CUBN: variants seen among roughly 807,000 people sequenced by gnomAD.
CUBN encodes the protein cubilin, also known as 460 kDa receptor.
In CUBN, 282 loss-of-function variants were observed where a neutral mutation model predicts 405.3. That is an observed-to-expected ratio of 0.70 (90% CI 0.63 to 0.77). CUBN has a LOEUF of 0.77. Ranked by LOEUF, CUBN falls within the 30% of genes least tolerant of loss-of-function variation. The pLI, the probability that CUBN is intolerant of heterozygous loss-of-function variation, is 0.00. For synonymous variants in CUBN, 1,684 were observed against 1,617.0 expected (o/e 1.04, Z -0.99); for missense variants, 4,514 against 4,475.2 (o/e 1.01, Z -0.25).
intron 44 of CUBN, 75 bp downstream of exon 44, chr10:16,919,888 T>C (rs1460310498): frequency 6.9e-7 from 1 of 1,453,414 alleles, no homozygotes; most frequent in Non-Finnish European, 9.6e-7. Flanking sequence ...CTGAAAGAAA[T>C]GGACTGTTTT....
intron 14 of CUBN, among the ~76,000 whole-genome samples, chr10:17,097,105 G>A (rs1836392733): frequency 6.6e-6 from 1 of 151,832 alleles, no homozygotes; most frequent in African/African-American, 2.4e-5. Flanking sequence ...AAAACCATGA[G>A]GAAAATCAAT....
rs1210139921 is a variant in CUBN, at chr10:17,088,225, GT to G, written c.1885del (p.Thr629HisfsTer7). The G allele has an allele frequency of 6.2e-7, 1 of 1,613,756 alleles. No homozygotes were observed. Among genetic ancestry groups the G allele is most frequent in the Non-Finnish European group, 8.5e-7 (1 of 1,179,802 alleles). ...IVVTSPDLLV[T>X]FTFGTLSLEH... ...GAGGCTCAAGGTCCCAAAAGTAAAT[GT>G]TACCAGGAGGTCAGGACTAGTTACA... On this transcript the variant is annotated frameshift_variant, in exon 15 of 67. Coordinates refer to ENST00000377833, the MANE Select transcript of CUBN (RefSeq NM_001081.4). LOFTEE classifies it high-confidence loss of function.
intron 14 of CUBN, among the ~76,000 whole-genome samples, chr10:17,092,647 C>T (rs1414106598): frequency 6.6e-6 from 1 of 152,122 alleles, no homozygotes; most frequent in South Asian, 2.1e-4. Context: ...AAAGACACTC[C>T]TACCAGTGCC....
intron 13 of CUBN, among the ~76,000 whole-genome samples, chr10:17,101,946 G>A (rs1836501957): frequency 6.6e-6 from 1 of 152,178 alleles, no homozygotes; most frequent in Non-Finnish European, 1.5e-5. Flanking sequence ...ACATGGCAGA[G>A]CAAAGACATT....
At chr10:16,885,774 T>C (rs1376358043) in intron 56 of CUBN, among the ~76,000 whole-genome samples, 1 of 152,222 alleles carries the variant, frequency 6.6e-6, no homozygotes. Flanking sequence ...TTTCTTAGTC[T>C]GAGTGATACG....
chr10:17,027,576 A>C (rs76622237), intron 27 of CUBN, among the ~76,000 whole-genome samples: 3,377 of 152,226 alleles, frequency 0.022, 130 homozygotes, highest in African/African-American at 0.076. Flanking sequence ...GATCTGATAA[A>C]TTTATTTTTA....
At chr10:17,068,578 G>GAA in intron 20 of CUBN, 27 bp downstream of exon 20, 28 of 1,266,556 alleles carry the variant, frequency 2.2e-5, no homozygotes, top group Non-Finnish European at 2.8e-5. Flanking sequence ...CCAAGAGGAG[G>GAA]AAAAAAAAAA....
rs770127463 is a variant in CUBN, at chr10:16,950,098, G to A, written c.4983C>T (p.Thr1661=). The A allele has an allele frequency of 1.2e-6, 2 of 1,612,750 alleles. No homozygotes were observed. The highest frequency in any genetic ancestry group is 1.1e-5 in the South Asian group (1 of 91,008). Residue 1661 remains threonine (T), a synonymous_variant, in exon 34 of 67, where the codon ACC becomes ACT. Coordinates refer to ENST00000377833, the MANE Select transcript of CUBN (RefSeq NM_001081.4). ...IQAQPPLNHI[T]LSFTHFELER... is the part of the protein sequence containing the mutation. ...CAAGTTCAAAGTGGGTAAAAGAGAG[G>A]GTGATATGATTTACTGGAAGAAAAA...
At chr10:16,915,762 G>A (rs1841864856) in intron 46 of CUBN, 59 bp downstream of exon 46, 2 of 1,421,042 alleles carry the variant, frequency 1.4e-6, no homozygotes. Flanking sequence ...AAACTTCAGA[G>A]GCTGAATAAG....
chr10:17,113,940 T>C (rs1836824894), intron 8 of CUBN, 87 bp downstream of exon 8: 3 of 1,317,914 alleles, frequency 2.3e-6, no homozygotes, highest in African/African-American at 1.5e-5. Context: ...AGAATTGTCT[T>C]CTTACTCATC....
intron 48 of CUBN, among the ~76,000 whole-genome samples, chr10:16,912,639 G>A (rs1841766734): frequency 6.6e-6 from 1 of 152,196 alleles, no homozygotes; most frequent in Non-Finnish European, 1.5e-5. Flanking sequence ...GCCATCTGGG[G>A]AGGGGCATTC....
At chr10:17,015,379 A>C (rs61842852) in intron 28 of CUBN, among the ~76,000 whole-genome samples, 3,271 of 152,298 alleles carry the variant, frequency 0.021, 47 homozygotes, top group Middle Eastern at 0.041. Context: ...TGGCTAATAT[A>C]TTCCTCCCTA....
At position 17,109,644 on chromosome 10, in the gene CUBN, A is replaced by G; in HGVS notation, c.1107T>C (p.Thr369=). Residue 369 remains threonine, a synonymous_variant, in exon 10 of 67, where the codon ACT becomes ACC. Coordinates refer to ENST00000377833, the MANE Select transcript of CUBN (RefSeq NM_001081.4). ...AAGAGAGAGATGAGTCATTACCTAG[A>G]GTTGAGGAGCATGAGGCATCTGGGT... is the stretch of plus-strand genomic sequence containing the variant. ...GCHPDASCSS[T]LGSLPLCTCL... 1 of 1,613,134 alleles carries G rather than the reference A, an allele frequency of 6.2e-7. No homozygotes were observed. The highest frequency in any genetic ancestry group is 8.5e-7 in the Non-Finnish European group (1 of 1,179,178).
In CUBN at chr10:17,086,549, G is replaced by A. The variant is rs115049730; in HGVS notation, c.1948-790C>T. 8.7e-3 allele frequency among the ~76,000 whole-genome samples: 1,327 copies of A among 152,220 alleles called. 18 individuals carry two copies. The highest frequency in any genetic ancestry group is 0.031 in the African/African-American group (1,279 of 41,516). Reference sequence around the variant, plus strand: ...TTTAAAAATGCAACTTTGATAGTAAGTAAGTACTACAATGATAATGACGTG... The same window carrying A: ...TTTAAAAATGCAACTTTGATAGTAAATAAGTACTACAATGATAATGACGTG... On this transcript the variant is annotated intron_variant, in intron 15 of 66. Transcript: ENST00000377833.
intron 17 of CUBN, among the ~76,000 whole-genome samples, chr10:17,082,219 A>C (rs527810388): frequency 6.6e-6 from 1 of 152,254 alleles, no homozygotes; most frequent in Admixed American, 6.5e-5. Context: ...AGAAATAGAT[A>C]GGACATCTTA....
rs1554788544 is a variant in CUBN, at chr10:16,889,935, C to CAAAAAAAAAAAAAAAAAAA, written c.8755+435_8755+436insTTTTTTTTTTTTTTTTTTT. Among the ~76,000 whole-genome samples the CAAAAAAAAAAAAAAAAAAA allele has an allele frequency of 3.2e-3, 63 of 19,900 alleles. 20 individuals carry two copies. The highest frequency in any genetic ancestry group is 0.012 in the African/African-American group (58 of 4,822). The allele number at this position is 19,900 out of a possible 152,430, so 13.1% of individuals were successfully genotyped here. Reference sequence around the variant, plus strand: ...CTGGCGACAGAGTGAGACGCCGTGTCAAAAAAAAAAAAAAAAAACAGGAAA... The same window carrying CAAAAAAAAAAAAAAAAAAA: ...CTGGCGACAGAGTGAGACGCCGTGTCAAAAAAAAAAAAAAAAAAAAAAAAAAAAAAAAAAAAACAGGAAA... On this transcript the variant is annotated intron_variant, in intron 55 of 66. Coordinates refer to ENST00000377833, the MANE Select transcript of CUBN (RefSeq NM_001081.4).
chr10:16,986,191 T>C (rs1228255502), intron 29 of CUBN, among the ~76,000 whole-genome samples: 2 of 152,186 alleles, frequency 1.3e-5, no homozygotes, highest in African/African-American at 4.8e-5. Context: ...ACTGCAGCCA[T>C]CCATGTACAG....
At chr10:17,117,660 C>T (rs186819084) in intron 6 of CUBN, among the ~76,000 whole-genome samples, 1 of 152,196 alleles carries the variant, frequency 6.6e-6, no homozygotes, top group Admixed American at 6.5e-5. Flanking sequence ...GAACTCTTGA[C>T]CTCAGGTGAT....
At chr10:16,980,363 A>G (rs1290935452) in intron 31 of CUBN, among the ~76,000 whole-genome samples, 1 of 152,242 alleles carries the variant, frequency 6.6e-6, no homozygotes, top group Non-Finnish European at 1.5e-5. Flanking sequence ...AGGATTATAA[A>G]TCATTCTACT....
Sources: gnomAD v4.1 joint callset for allele counts (sites outside exome capture counted in the v4.1 genomes callset) on GRCh38, gnomAD v4.1.1 for gene constraint, MANE v1.5 for transcripts, NCBI Gene and HGNC (gene_info 2026-07-23, HGNC 2026-07-21) for gene names.